The following STXBP5L variants were observed in gnomAD, a reference collection of about 807,000 sequenced individuals.
The protein encoded by STXBP5L is syntaxin-binding protein 5-like.
Under a neutral mutation model 144.5 loss-of-function variants are expected in STXBP5L, and 65 were observed. The ratio of observed to expected loss-of-function variants is 0.45; its 90% confidence interval spans 0.37 to 0.55. The LOEUF is 0.55. STXBP5L is among the 20% of genes least tolerant of loss of function. The probability of loss-of-function intolerance (pLI) is 0.00; values close to 1 mark genes in which losing one functional copy is unlikely to be tolerated. For synonymous variants in STXBP5L, 505 were observed against 469.6 expected, an observed-to-expected ratio of 1.08 and a Z score of -0.97; for missense variants, 1,298 against 1,405.5, an observed-to-expected ratio of 0.92 and a Z score of 1.22.
intron 2 of STXBP5L, among the ~76,000 whole-genome samples, chr3:120,930,471 T>G (rs3966088): frequency 0.019 from 2,888 of 152,192 alleles, 85 homozygotes; most frequent in African/African-American, 0.065. Flanking sequence ...TGATACTAGT[T>G]TGTAAGGCGC....
At chr3:121,337,426 A>C (rs1175051823) in intron 20 of STXBP5L, among the ~76,000 whole-genome samples, 1 of 149,030 alleles carries the variant, frequency 6.7e-6, no homozygotes, top group Non-Finnish European at 1.5e-5. Flanking sequence ...CAGACACTTT[A>C]AAGCAACAAC....
chr3:121,125,181 T>C (rs562795392), intron 7 of STXBP5L, among the ~76,000 whole-genome samples: 3 of 152,094 alleles, frequency 2.0e-5, no homozygotes, highest in African/African-American at 7.2e-5. Flanking sequence ...AAAATCAAGA[T>C]AATATGGTTG....
At position 121,259,186 on chromosome 3, in the gene STXBP5L, T is replaced by A; in HGVS notation, c.1958+18T>A. On this transcript the variant is annotated intron_variant, in intron 18 of 26. Coordinates refer to ENST00000471454, the MANE Select transcript of STXBP5L (RefSeq NM_001308330.2). ...TATGGAATGTAAGTAATTAAACTTT[T>A]TTATGATATGTATTATTTAGCTAAT... 1 of 1,520,610 alleles carries A rather than the reference T, an allele frequency of 6.6e-7. No individual in the cohort carries two copies. The highest frequency in any genetic ancestry group is 8.8e-7 in the Non-Finnish European group (1 of 1,131,400). 94.2% of individuals were successfully genotyped at this position (1,520,610 alleles called of 1,614,324 possible). A position where few individuals can be genotyped will look rare whatever the true frequency, so the allele number is the denominator to read the frequency against.
chr3:120,944,078 G>A (rs1453011951), intron 2 of STXBP5L, among the ~76,000 whole-genome samples: 1 of 151,564 alleles, frequency 6.6e-6, no homozygotes, highest in Non-Finnish European at 1.5e-5. Flanking sequence ...AAGTAAAAGA[G>A]TAGTAGTTAG....
intron 5 of STXBP5L, among the ~76,000 whole-genome samples, chr3:121,090,691 C>T (rs1160932105): frequency 6.7e-6 from 1 of 150,228 alleles, no homozygotes; most frequent in Non-Finnish European, 1.5e-5. Flanking sequence ...TTTATTTGTA[C>T]TAATAACATT....
At chr3:121,232,745 G>A (rs2049348238) in intron 11 of STXBP5L, among the ~76,000 whole-genome samples, 1 of 152,180 alleles carries the variant, frequency 6.6e-6, no homozygotes, top group African/African-American at 2.4e-5. Context: ...TATCATGAGT[G>A]AACTGGCAAG....
chr3:121,141,444 TACAA>T (rs2045500862), intron 7 of STXBP5L, among the ~76,000 whole-genome samples: 1 of 152,054 alleles, frequency 6.6e-6, no homozygotes, highest in South Asian at 2.1e-4. Context: ...AGGGTAAATA[TACAA>T]ACAAATTCAG....
intron 2 of STXBP5L, among the ~76,000 whole-genome samples, chr3:120,923,891 T>G (rs967105684): frequency 6.6e-6 from 1 of 152,152 alleles, no homozygotes; most frequent in Non-Finnish European, 1.5e-5. Context: ...GTTTGTTGAC[T>G]TTCTGGCTGG....
In STXBP5L at chr3:121,068,052, C is replaced by T. The variant is rs991314642; in HGVS notation, c.470+22517C>T. 2.0e-5 allele frequency among the ~76,000 whole-genome samples: 3 copies of T among 152,312 alleles called. No homozygotes were observed. In the South Asian group the frequency reaches 6.2e-4, roughly 32 times the overall value. On this transcript the variant is annotated intron_variant, in intron 5 of 26. Coordinates refer to ENST00000471454, the MANE Select transcript of STXBP5L (RefSeq NM_001308330.2). ...TTGAGACGGAGTCTCACTCTGTCAC[C>T]AGGCTGGAGTGCAGTGGCACAATCT...
chr3:121,017,782 A>G (rs1239691778), intron 3 of STXBP5L, among the ~76,000 whole-genome samples: 3 of 147,766 alleles, frequency 2.0e-5, no homozygotes, highest in Non-Finnish European at 4.4e-5. Context: ...GAAGATCTAA[A>G]TAAATGGGGG....
At chr3:120,991,954 A>G (rs1942929215) in intron 3 of STXBP5L, among the ~76,000 whole-genome samples, 1 of 152,216 alleles carries the variant, frequency 6.6e-6, no homozygotes, top group African/African-American at 2.4e-5. Flanking sequence ...TAAAACTTAA[A>G]GTATAATAAA....
chr3:121,059,998 C>T (rs1298092541), intron 5 of STXBP5L, among the ~76,000 whole-genome samples: 2 of 152,138 alleles, frequency 1.3e-5, no homozygotes, highest in African/African-American at 2.4e-5. Flanking sequence ...GCTAGAACTT[C>T]CAATACTATG....
chr3:121,093,267 C>G (rs2042920820), intron 5 of STXBP5L, among the ~76,000 whole-genome samples: 1 of 152,150 alleles, frequency 6.6e-6, no homozygotes, highest in East Asian at 1.9e-4. Context: ...GCTTTGGTAT[C>G]AGGATGATGC....
intron 9 of STXBP5L, among the ~76,000 whole-genome samples, chr3:121,194,372 A>G (rs762989947): frequency 2.0e-5 from 3 of 151,916 alleles, no homozygotes; most frequent in Non-Finnish European, 4.4e-5. Flanking sequence ...ATTCCTATTT[A>G]TTGGTGAATA....
chr3:121,308,467 G>A (rs201680788), intron 19 of STXBP5L, among the ~76,000 whole-genome samples: 3 of 144,988 alleles, frequency 2.1e-5, no homozygotes, highest in African/African-American at 7.6e-5. Context: ...CAAAGAGCAT[G>A]TTAAGGTAAC....
intron 22 of STXBP5L, among the ~76,000 whole-genome samples, chr3:121,392,520 A>G (rs1321092169): frequency 2.0e-5 from 3 of 152,086 alleles, no homozygotes; most frequent in African/African-American, 7.2e-5. Flanking sequence ...AGCTGTTCCT[A>G]TTCGGCCATC....
intron 7 of STXBP5L, 68 bp from the exon 8 acceptor site, chr3:121,152,409 A>G (rs886133200): frequency 8.5e-7 from 1 of 1,183,016 alleles, no homozygotes. Flanking sequence ...TATTAACATT[A>G]AACTTTATTT....
intron 5 of STXBP5L, among the ~76,000 whole-genome samples, chr3:121,049,402 C>G (rs1380158351): frequency 6.6e-6 from 1 of 152,034 alleles, no homozygotes; most frequent in Non-Finnish European, 1.5e-5. Flanking sequence ...TGAGAAGTAG[C>G]AGGGGTGGGG....
chr3:121,283,823 A>G (rs928160589), intron 19 of STXBP5L, among the ~76,000 whole-genome samples: 4 of 151,886 alleles, frequency 2.6e-5, no homozygotes, highest in Non-Finnish European at 5.9e-5. Context: ...GGGTAGTTTA[A>G]TACACATATT....
Sources: gnomAD v4.1 joint callset for allele counts (sites outside exome capture counted in the v4.1 genomes callset) on GRCh38, gnomAD v4.1.1 for gene constraint, MANE v1.5 for transcripts, NCBI Gene and HGNC (gene_info 2026-07-23, HGNC 2026-07-21) for gene names.